The following RNF138 variants were observed in gnomAD, a reference collection of about 807,000 sequenced individuals.
RNF138 encodes the protein E3 ubiquitin-protein ligase RNF138.
RNF138 carries 12 observed loss-of-function variants against 31.0 expected under a neutral mutation model. The ratio of observed to expected loss-of-function variants is 0.39; its 90% CI spans 0.25 to 0.63. The LOEUF is 0.63. Among genes scored for constraint, RNF138 ranks in the 20% least tolerant of loss-of-function variants. The pLI is 0.52. For synonymous variants in RNF138, 105 were observed against 99.5 expected, an observed-to-expected ratio of 1.06 and a Z score of -0.33; for missense variants, 192 against 300.1, an observed-to-expected ratio of 0.64 and a Z score of 2.66.
chr18:32,131,247 CTTTATTTGCT>C lies in RNF138; in HGVS notation c.*2066_*2075del, dbSNP rs2144313744. 1.3e-5 allele frequency: 2 copies of C among 152,092 alleles called. No individual in the cohort carries two copies. The highest frequency in any genetic ancestry group is 1.3e-4 in the Admixed American group (2 of 15,276). The allele number at this position is 152,092 out of a possible 1,614,324, so 9.4% of individuals were successfully genotyped here. On this transcript the variant is annotated 3_prime_UTR_variant, in exon 8 of 8. Coordinates refer to ENST00000261593, the MANE Select transcript of RNF138 (RefSeq NM_016271.5). ...TATCAGCTTTTTCATAAGGAAAATA[CTTTATTTGCT>C]TTTATCTGAGAATTTCTCAGTATGA...
At chr18:32,093,791 G>A (rs2144554202) in intron 2 of RNF138, among the ~76,000 whole-genome samples, 1 of 152,274 alleles carries the variant, frequency 6.6e-6, no homozygotes, top group East Asian at 1.9e-4. Context: ...GTAAGGGTTG[G>A]AAAGAGCCCT....
intron 2 of RNF138, among the ~76,000 whole-genome samples, chr18:32,100,405 A>G (rs1299753847): frequency 2.0e-5 from 3 of 149,760 alleles, no homozygotes; most frequent in Non-Finnish European, 4.4e-5. Context: ...GGCTCAAGTA[A>G]TCCCCCTTTA....
intron 4 of RNF138, among the ~76,000 whole-genome samples, chr18:32,121,594 T>C (rs949550151): frequency 6.6e-6 from 1 of 152,248 alleles, no homozygotes; most frequent in Admixed American, 6.5e-5. Flanking sequence ...TATAAACCTA[T>C]TAGAAGTTGT....
intron 4 of RNF138, among the ~76,000 whole-genome samples, chr18:32,118,798 C>T (rs181842542): frequency 7.9e-5 from 12 of 152,210 alleles, no homozygotes; most frequent in Admixed American, 7.2e-4. Flanking sequence ...CACTAACACT[C>T]CAGCCTGGGC....
chr18:32,128,797 C>A (rs2040425562), intron 7 of RNF138, among the ~76,000 whole-genome samples: 1 of 152,168 alleles, frequency 6.6e-6, no homozygotes. Flanking sequence ...CAGGCGCATG[C>A]TTACCCAGCT....
At chr18:32,118,214 A>G (rs2040247353) in intron 4 of RNF138, among the ~76,000 whole-genome samples, 1 of 152,184 alleles carries the variant, frequency 6.6e-6, no homozygotes, top group African/African-American at 2.4e-5. Context: ...TCTTGTTTAT[A>G]GGCATTCTTC....
intron 6 of RNF138, 70 bp from the exon 7 acceptor site, chr18:32,126,619 ATTTT>A (rs902867602): frequency 2.0e-5 from 19 of 947,340 alleles, no homozygotes; most frequent in Admixed American, 6.3e-5. Flanking sequence ...TCCCTGTGTT[ATTTT>A]AATACTGTCA....
rs1395785169 is a variant in RNF138, at chr18:32,130,498, A to G, written c.*1311A>G. On this transcript the variant is annotated 3_prime_UTR_variant, in exon 8 of 8. Transcript: ENST00000261593. The stretch of plus-strand genomic sequence containing the variant: ...GCCCAAATCACAGAATAAAGGACTA[A>G]GAGTGGATTTGCTGACATTCCATAC... 2 of 152,450 alleles carry G rather than the reference A, an allele frequency of 1.3e-5. No homozygotes were observed. The highest frequency in any genetic ancestry group is 2.9e-5 in the Non-Finnish European group (2 of 67,884). 9.4% of individuals were successfully genotyped at this position (152,450 alleles called of 1,614,324 possible).
intron 2 of RNF138, among the ~76,000 whole-genome samples, chr18:32,102,232 T>C (rs2144576241): frequency 7.5e-6 from 1 of 134,020 alleles, no homozygotes; most frequent in Non-Finnish European, 1.6e-5. Context: ...GACGGAGTCT[T>C]GTTCTGTCAC....
intron 3 of RNF138, 26 bp downstream of exon 3, chr18:32,111,945 C>A: frequency 6.6e-7 from 1 of 1,510,330 alleles, no homozygotes; most frequent in Non-Finnish European, 8.9e-7. Flanking sequence ...CATCTCTCTT[C>A]TTTGGAAGCC....
At chr18:32,103,938 C>T (rs1176346415) in intron 2 of RNF138, among the ~76,000 whole-genome samples, 1 of 151,232 alleles carries the variant, frequency 6.6e-6, no homozygotes, top group African/African-American at 2.4e-5. Context: ...GCACTCCAGC[C>T]TGGGCGACAG....
chr18:32,124,690 T>G (rs1278172153), intron 5 of RNF138, 44 bp from the exon 6 acceptor site: 4 of 953,450 alleles, frequency 4.2e-6, no homozygotes, highest in Admixed American at 3.5e-5. Flanking sequence ...GTTATTTTTG[T>G]GTTATTCTGA....
chr18:32,124,888 C>T, intron 6 of RNF138, 43 bp downstream of exon 6: 2 of 970,622 alleles, frequency 2.1e-6, no homozygotes, highest in Non-Finnish European at 3.3e-6. Flanking sequence ...TAGAATAAAA[C>T]ATGCTGTTCT....
Position 32,129,417 on chromosome 18 carries a change from A to C in RNF138, c.*230A>C, listed in dbSNP as rs574260704. ...AAAGGTGTAAAAAAGATGTTTCACT[A>C]ATGTAACGGTGAAAGAGAATCCCTG... On this transcript the variant is annotated 3_prime_UTR_variant, in exon 8 of 8. Transcript: ENST00000261593. 7.3e-6 allele frequency: 3 copies of C among 412,426 alleles called. No individual in the cohort carries two copies. Among genetic ancestry groups the C allele is most frequent in the Non-Finnish European group, 1.3e-5 (3 of 228,980 alleles). 25.5% of individuals were successfully genotyped at this position (412,426 alleles called of 1,614,324 possible).
intron 2 of RNF138, among the ~76,000 whole-genome samples, chr18:32,105,533 A>C (rs553774776): frequency 6.6e-6 from 1 of 152,348 alleles, no homozygotes; most frequent in Admixed American, 6.5e-5. Flanking sequence ...TTTGATCAGT[A>C]AGATAGTATT....
intron 2 of RNF138, among the ~76,000 whole-genome samples, chr18:32,103,474 C>T (rs967899571): frequency 1.9e-4 from 29 of 151,708 alleles, no homozygotes; most frequent in Non-Finnish European, 3.4e-4. Context: ...ATTATAGGTG[C>T]GAGCCACTGT....
At chr18:32,115,145 G>A (rs1008072295) in intron 4 of RNF138, among the ~76,000 whole-genome samples, 2 of 151,996 alleles carry the variant, frequency 1.3e-5, no homozygotes, top group African/African-American at 4.8e-5. Flanking sequence ...TGTTTGTCTT[G>A]TTGAGCATAT....
chr18:32,124,623 CTAA>C, intron 5 of RNF138, 108 bp from the exon 6 acceptor site: 1 of 639,510 alleles, frequency 1.6e-6, no homozygotes, highest in Non-Finnish European at 2.8e-6. Context: ...TTTGAATAGT[CTAA>C]TAATTATAAC....
chr18:32,120,693 G>C (rs1221893149), intron 4 of RNF138, among the ~76,000 whole-genome samples: 1 of 152,162 alleles, frequency 6.6e-6, no homozygotes, highest in Non-Finnish European at 1.5e-5. Context: ...AGTAATAGTG[G>C]AAAATTGAGA....
Sources: allele counts gnomAD v4.1 joint callset (sites outside exome capture counted in the v4.1 genomes callset), GRCh38; gene constraint gnomAD v4.1.1; transcripts MANE v1.5; gene names NCBI Gene and HGNC (gene_info 2026-07-23, HGNC 2026-07-21).